The following HPN variants were observed in gnomAD, a reference collection of about 807,000 sequenced individuals.
The protein encoded by HPN is serine protease hepsin.
Under a neutral mutation model 55.9 loss-of-function variants are expected in HPN, and 13 were observed. The observed-to-expected ratio is 0.23, with a 90% CI of 0.15 to 0.37. The LOEUF is 0.37. Among genes scored for constraint, HPN ranks in the 10% least tolerant of loss-of-function variants. The probability of loss-of-function intolerance (pLI) is 1.00; values close to 1 mark genes in which losing one functional copy is unlikely to be tolerated. For synonymous variants in HPN, 225 were observed against 240.3 expected, an observed-to-expected ratio of 0.94 and a Z score of 0.59; for missense variants, 451 against 575.8, an observed-to-expected ratio of 0.78 and a Z score of 2.22.
intron 4 of HPN, chr19:35,059,183 T>C (rs1354818473): frequency 3.4e-6 from 1 of 295,904 alleles, no homozygotes; most frequent in Non-Finnish European, 6.6e-6. Flanking sequence ...CAGAGTGCCA[T>C]GGTGCTCTGT....
intron 4 of HPN, among the ~76,000 whole-genome samples, chr19:35,051,699 A>T (rs1355938643): frequency 6.8e-6 from 1 of 147,864 alleles, no homozygotes; most frequent in African/African-American, 2.5e-5. Flanking sequence ...AAAAAAAAAA[A>T]GAACAGCTGA....
At position 35,060,762 on chromosome 19, in the gene HPN, G is replaced by A. The variant is rs2064521871; in HGVS notation, c.756G>A (p.Glu252=). ...TTCCCTTTCGGGACCCCAACAGCGA[G>A]GAGAACAGCAACGATATTGCCCTGG... ...GYLPFRDPNS[E]ENSNDIALVH... The change falls in exon 9 of 13, where the codon GAG becomes GAA. Residue 252 remains glutamate (E), a synonymous_variant. Coordinates refer to ENST00000672452, the MANE Select transcript of HPN (RefSeq NM_001384133.1). The A allele has an allele frequency of 1.2e-6, 2 of 1,612,610 alleles. No individual in the cohort carries two copies. The highest frequency in any genetic ancestry group is 1.3e-5 in the African/African-American group (1 of 74,928).
intron 9 of HPN, among the ~76,000 whole-genome samples, chr19:35,064,582 C>T (rs902174335): frequency 6.6e-6 from 1 of 151,892 alleles, no homozygotes; most frequent in Non-Finnish European, 1.5e-5. Flanking sequence ...GAGCCATGTT[C>T]CTGCCACTGC....
At chr19:35,049,247 G>A in intron 2 of HPN, 43 bp from the exon 3 acceptor site, 1 of 1,412,792 alleles carries the variant, frequency 7.1e-7, no homozygotes, top group South Asian at 1.5e-5. Context: ...CTGCCGCAAT[G>A]AGGACAGGCC....
chr19:35,043,464 T>C (rs2151751856), intron 2 of HPN, among the ~76,000 whole-genome samples: 1 of 152,330 alleles, frequency 6.6e-6, no homozygotes, highest in Middle Eastern at 3.4e-3. Flanking sequence ...TTTCTAGCTG[T>C]GTGGCCCTGG....
intron 2 of HPN, 113 bp downstream of exon 2, chr19:35,042,635 G>T: frequency 1.4e-6 from 1 of 710,966 alleles, no homozygotes; most frequent in Non-Finnish European, 2.2e-6. Flanking sequence ...ACCCCTCCCA[G>T]ATGCATCCCC....
In HPN at chr19:35,059,965, A is replaced by G. The variant is rs199680814; in HGVS notation, c.382A>G (p.Thr128Ala). 113 of 1,554,832 alleles carry G rather than the reference A, an allele frequency of 7.3e-5. No individual in the cohort carries two copies. In the East Asian group the frequency reaches 1.6e-3, roughly 22 times the overall value. The part of the protein sequence containing the change: ...FCVDEGRLPH[T>A]QRLLEVISVC... Reference sequence around the variant, plus strand: ...TGTGGACGAGGGGAGGCTGCCCCACACCCAGAGGCTGCTGGAGGTCATCTC... The same window carrying G: ...TGTGGACGAGGGGAGGCTGCCCCACGCCCAGAGGCTGCTGGAGGTCATCTC... Residue 128 changes from threonine (T) to alanine (A), a missense_variant, in exon 6 of 13, where the codon ACC becomes GCC. Thr to Ala is a moderately conservative substitution (Grantham distance 58). Transcript: ENST00000672452.
intron 2 of HPN, among the ~76,000 whole-genome samples, chr19:35,042,728 C>A (rs2064306612): frequency 6.6e-6 from 1 of 152,194 alleles, no homozygotes; most frequent in African/African-American, 2.4e-5. Context: ...CCCTTCTACC[C>A]TATGTGACCT....
rs757672110 is a variant in HPN at position 35,065,888 on chromosome 19, T to C, written c.1071T>C (p.Phe357=). The change falls in exon 12 of 13, where the codon TTT becomes TTC. Residue 357 remains phenylalanine, a synonymous_variant. Transcript: ENST00000672452. ...DACQGDSGGP[F]VCEDSISRTP... is the part of the protein sequence containing the mutation. ...CCCAGGGCGACAGCGGTGGTCCCTT[T>C]GTGTGTGAGGACAGCATCTCTCGGA... 4.3e-6 allele frequency: 7 copies of C among 1,613,996 alleles called. No homozygotes were observed. The South Asian group carries it at 6.6e-5, about 15-fold the overall frequency.
intron 4 of HPN, among the ~76,000 whole-genome samples, chr19:35,051,646 G>A (rs528907734): frequency 6.6e-6 from 1 of 151,314 alleles, no homozygotes; most frequent in East Asian, 2.0e-4. Flanking sequence ...GGCAGCCTGC[G>A]TAGTAACTGT....
At position 35,066,379 on chromosome 19, in the gene HPN, G is replaced by A. The variant is rs1234175842; in HGVS notation, c.*92G>A. On this transcript the variant is annotated 3_prime_UTR_variant, in exon 13 of 13. Coordinates refer to ENST00000672452, the MANE Select transcript of HPN (RefSeq NM_001384133.1). ...CCTAGGATGGGACGTTTTTCTTCTT[G>A]GGCCCGGTCCACAGGTCCAAGGACA... The A allele has an allele frequency of 4.6e-6, 7 of 1,509,928 alleles. No homozygotes were observed. In the East Asian group the frequency reaches 7.4e-5, roughly 16 times the overall value. The allele number at this position is 1,509,928 out of a possible 1,614,324, so 93.5% of individuals were successfully genotyped here. A position where few individuals can be genotyped will look rare whatever the true frequency, so the allele number is the denominator to read the frequency against.
Position 35,060,801 on chromosome 19 carries a change from T to C in HPN, c.795T>C (p.Ser265=), listed in dbSNP as rs1305808520. The C allele has an allele frequency of 6.3e-7, 1 of 1,586,274 alleles. No homozygotes were observed. The highest frequency in any genetic ancestry group is 2.2e-5 in the East Asian group (1 of 44,678). ...ATATTGCCCTGGTCCACCTCTCCAG[T>C]CCCCTGCCCCTCACAGGTAAGTCTA... The part of the protein sequence containing the change: ...SNDIALVHLS[S]PLPLTEYIQP... The change falls in exon 9 of 13, where the codon AGT becomes AGC. Residue 265 remains serine (S), a synonymous_variant. Coordinates refer to ENST00000672452, the MANE Select transcript of HPN (RefSeq NM_001384133.1).
chr19:35,048,028 AAAAG>A (rs1555722914), intron 2 of HPN, among the ~76,000 whole-genome samples: 4,178 of 87,428 alleles, frequency 0.048, 164 homozygotes, highest in Non-Finnish European at 0.061. Flanking sequence ...GAGAGAGAGA[AAAAG>A]AAAGAAAGAA....
At chr19:35,053,864 C>A (rs1368795930) in intron 4 of HPN, among the ~76,000 whole-genome samples, 1 of 149,794 alleles carries the variant, frequency 6.7e-6, no homozygotes, top group Non-Finnish European at 1.5e-5. Context: ...ACCCCACAGC[C>A]AGAGGTGCCA....
In HPN at chr19:35,060,461, G is replaced by T. The variant is rs760538038; in HGVS notation, c.569G>T (p.Gly190Val). 1.2e-6 allele frequency: 2 copies of T among 1,613,428 alleles called. No homozygotes were observed. The highest frequency in any genetic ancestry group is 2.2e-5 in the East Asian group (1 of 44,878). ...TATGATGGAGCACACCTCTGTGGGG[G>T]ATCCCTGCTCTCCGGGGACTGGGTG... is the stretch of plus-strand genomic sequence containing the variant. ...LRYDGAHLCGGSLLSGDWVLT... is the reference protein window; with the variant it reads ...LRYDGAHLCGVSLLSGDWVLT... The change falls in exon 8 of 13, where the codon GGA (glycine) becomes GTA (valine). Residue 190 changes from glycine (G) to valine (V), a missense_variant. Physicochemically the swap from Gly to Val is moderately radical, Grantham distance 109. Coordinates refer to ENST00000672452, the MANE Select transcript of HPN (RefSeq NM_001384133.1).
intron 6 of HPN, 61 bp from the exon 7 acceptor site, chr19:35,060,068 C>T: frequency 6.2e-7 from 1 of 1,614,000 alleles, no homozygotes; most frequent in Non-Finnish European, 8.5e-7. Flanking sequence ...GTTTTCCTTC[C>T]ACCTGTCTTA....
At chr19:35,048,028 A>AAAAAGAAAGAAAGAAAG (rs1555722915) in intron 2 of HPN, among the ~76,000 whole-genome samples, 3 of 87,392 alleles carry the variant, frequency 3.4e-5, no homozygotes, top group Non-Finnish European at 7.0e-5. Flanking sequence ...GAGAGAGAGA[A>AAAAAGAAAGAAAGAAAG]AAAGAAAGAA....
chr19:35,060,525 C>T lies in HPN; in HGVS notation c.620+13C>T. 1 of 1,612,086 alleles carries T rather than the reference C, an allele frequency of 6.2e-7. No individual in the cohort carries two copies. The highest frequency in any genetic ancestry group is 8.5e-7 in the Non-Finnish European group (1 of 1,179,532). On this transcript the variant is annotated intron_variant, in intron 8 of 12. Coordinates refer to ENST00000672452, the MANE Select transcript of HPN (RefSeq NM_001384133.1). ...ACTGCTTCCCGGAGTGAGTGCCCCC[C>T]AATGGCGCTGATGATGGGGAGGCAG...
intron 4 of HPN, among the ~76,000 whole-genome samples, chr19:35,054,805 C>T (rs1942441094): frequency 6.6e-6 from 1 of 152,104 alleles, no homozygotes; most frequent in South Asian, 2.1e-4. Flanking sequence ...GCAGAGGTAG[C>T]CTAGCCCCAG....
Sources: allele counts gnomAD v4.1 joint callset (sites outside exome capture counted in the v4.1 genomes callset), GRCh38; gene constraint gnomAD v4.1.1; transcripts MANE v1.5; gene names NCBI Gene and HGNC (gene_info 2026-07-23, HGNC 2026-07-21).